The following TCFL5 variants were observed in gnomAD, a reference collection of about 807,000 sequenced individuals.
The protein encoded by TCFL5 is transcription factor like 5.
Under a neutral mutation model 44.3 loss-of-function variants are expected in TCFL5, and 9 were observed. That is an observed-to-expected ratio of 0.20 (90% CI 0.12 to 0.35). TCFL5 has a LOEUF of 0.35. Ranked by LOEUF, TCFL5 falls within the 10% of genes least tolerant of loss-of-function variation. The pLI is 1.00. For synonymous variants in TCFL5, 319 were observed against 271.6 expected (o/e 1.17, Z -1.72); for missense variants, 603 against 613.4 (o/e 0.98, Z 0.18).
Position 62,846,170 on chromosome 20 carries a change from T to TAA in TCFL5, c.1381-4075_1381-4074dup, listed in dbSNP as rs1019791573. The TAA allele has an allele frequency of 4.1e-4, 461 of 1,128,710 alleles. 2 individuals are homozygous for TAA. The highest frequency in any genetic ancestry group is 5.3e-4 in the East Asian group (9 of 16,864). The allele number at this position is 1,128,710 out of a possible 1,614,324, so 69.9% of individuals were successfully genotyped here. A position where few individuals can be genotyped will look rare whatever the true frequency, so the allele number is the denominator to read the frequency against. On this transcript the variant is annotated intron_variant, in intron 5 of 5. Transcript: ENST00000335351. ...CATCTAAATTTAAAAGACGATAATT[T>TAA]AAAAAAAAAGAAGGAAGGAAGAAAA...
intron 5 of TCFL5, chr20:62,852,994 T>G: frequency 3.9e-6 from 5 of 1,279,982 alleles, no homozygotes; most frequent in South Asian, 3.7e-5. Flanking sequence ...CTGAAGTACA[T>G]TCACCCAGTC....
At chr20:62,848,734 G>A (rs553914703) in intron 5 of TCFL5, among the ~76,000 whole-genome samples, 18 of 152,206 alleles carry the variant, frequency 1.2e-4, no homozygotes, top group South Asian at 4.1e-4. Context: ...GCGAGACTCC[G>A]TCTCAAAAAA....
chr20:62,850,426 C>A (rs757158659), intron 5 of TCFL5, among the ~76,000 whole-genome samples: 2 of 151,978 alleles, frequency 1.3e-5, no homozygotes, highest in Non-Finnish European at 2.9e-5. Context: ...CAGTAAACAG[C>A]CCCATCCACC....
chr20:62,857,305 G>T (rs1315095069), intron 4 of TCFL5, 90 bp downstream of exon 4: 5 of 1,533,180 alleles, frequency 3.3e-6, no homozygotes, highest in Non-Finnish European at 4.4e-6. Context: ...TCTGAACGCA[G>T]AAACGGCTAA....
intron 5 of TCFL5, chr20:62,845,991 C>T (rs897599984): frequency 7.1e-6 from 10 of 1,407,658 alleles, no homozygotes; most frequent in Non-Finnish European, 8.5e-6. Context: ...CTCCTGGCTT[C>T]GTGGAGACAC....
chr20:62,851,385 A>G (rs923649211), intron 5 of TCFL5: 1 of 330,854 alleles, frequency 3.0e-6, no homozygotes, highest in Non-Finnish European at 4.3e-6. Flanking sequence ...GACTATACAT[A>G]CAATTAACAT....
chr20:62,851,674 C>T (rs1332201541), intron 5 of TCFL5: 6 of 985,250 alleles, frequency 6.1e-6, no homozygotes, highest in Non-Finnish European at 4.8e-6. Flanking sequence ...TTATGCAACT[C>T]GCAAGATGTA....
intron 2 of TCFL5, among the ~76,000 whole-genome samples, chr20:62,859,769 G>A (rs1254365920): frequency 6.7e-6 from 1 of 149,872 alleles, no homozygotes; most frequent in Non-Finnish European, 1.5e-5. Flanking sequence ...CGCCCAGACT[G>A]GAGTGCAGGG....
chr20:62,858,119 A>G (rs2063923826), intron 3 of TCFL5, among the ~76,000 whole-genome samples: 1 of 152,172 alleles, frequency 6.6e-6, no homozygotes, highest in South Asian at 2.1e-4. Context: ...TTTTACTGCA[A>G]TGCTCAGAAC....
At chr20:62,858,237 C>T (rs1022836081) in intron 3 of TCFL5, among the ~76,000 whole-genome samples, 4 of 152,246 alleles carry the variant, frequency 2.6e-5, no homozygotes, top group Admixed American at 6.5e-5. Flanking sequence ...GGCTATGCCA[C>T]GTGTGCGTCA....
chr20:62,843,873 C>T (rs1429423087), intron 5 of TCFL5, among the ~76,000 whole-genome samples: 3 of 152,250 alleles, frequency 2.0e-5, no homozygotes, highest in African/African-American at 4.8e-5. Context: ...GCTTATTTCA[C>T]TCAGCATAAT....
At chr20:62,857,734 A>C (rs569128281) in intron 3 of TCFL5, 96 bp from the exon 4 acceptor site, 2 of 1,425,786 alleles carry the variant, frequency 1.4e-6, no homozygotes, top group Admixed American at 2.2e-5. Context: ...AGATATAAAC[A>C]TTATTGGGTA....
intron 4 of TCFL5, among the ~76,000 whole-genome samples, chr20:62,855,713 C>T (rs2063877938): frequency 1.3e-5 from 2 of 151,940 alleles, no homozygotes; most frequent in Admixed American, 6.6e-5. Context: ...TTGCGTTGAA[C>T]CGAGATCGTG....
intron 4 of TCFL5, among the ~76,000 whole-genome samples, chr20:62,857,018 A>G (rs2063903270): frequency 6.6e-6 from 1 of 152,074 alleles, no homozygotes; most frequent in South Asian, 2.1e-4. Flanking sequence ...GCAACACCTC[A>G]CCCACGTTTT....
intron 4 of TCFL5, 134 bp from the exon 5 acceptor site, chr20:62,854,291 T>C: frequency 8.4e-7 from 1 of 1,187,484 alleles, no homozygotes; most frequent in South Asian, 1.6e-5. Flanking sequence ...GAAGCGCCTG[T>C]CACCACAGGA....
rs2063691853 is a variant in TCFL5, at chr20:62,842,555, A to G, written c.1381-458T>C. Among the ~76,000 whole-genome samples, 1 of 152,222 alleles carries G rather than the reference A, an allele frequency of 6.6e-6. No individual in the cohort carries two copies. The highest frequency in any genetic ancestry group is 6.5e-5 in the Admixed American group (1 of 15,278). On this transcript the variant is annotated intron_variant, in intron 5 of 5. Transcript: ENST00000335351. This position sits in a 1 kb window ranked among gnomAD's most constrained non-coding sequence, Gnocchi z 4.3. Reference sequence around the variant, plus strand: ...GGTGGGTGGATCACCTGACGTCAGGAGTTCAGGACCAGCCTGATTAACATG... The same window carrying G: ...GGTGGGTGGATCACCTGACGTCAGGGGTTCAGGACCAGCCTGATTAACATG...
intron 5 of TCFL5, chr20:62,845,520 A>C: frequency 7.0e-7 from 1 of 1,437,018 alleles, no homozygotes; most frequent in South Asian, 1.5e-5. Context: ...CATATAAAAA[A>C]CACTTGCCTA....
chr20:62,857,350 G>A (rs1600855190), intron 4 of TCFL5, 45 bp downstream of exon 4: 1 of 1,582,562 alleles, frequency 6.3e-7, no homozygotes, highest in Non-Finnish European at 8.5e-7. Context: ...GTATGACTAA[G>A]GTAATCATAT....
At chr20:62,851,993 CG>C (rs199581630) in intron 5 of TCFL5, 220,580 of 846,592 alleles carry the variant, frequency 0.26, 29,950 homozygotes, top group Middle Eastern at 0.28. Context: ...TTAATAGAGA[CG>C]GGGGTCTCAT....
Sources: gnomAD v4.1 joint callset for allele counts (sites outside exome capture counted in the v4.1 genomes callset) on GRCh38, gnomAD v4.1.1 for gene constraint, Gnocchi (gnomAD v3.1) non-coding constraint, MANE v1.5 for transcripts, NCBI Gene and HGNC (gene_info 2026-07-23, HGNC 2026-07-21) for gene names.